The following SORCS2 variants were observed in gnomAD, a reference collection of about 807,000 sequenced individuals.
The protein encoded by SORCS2 is VPS10 domain-containing receptor SorCS2.
In SORCS2, 100 loss-of-function variants were observed where a neutral mutation model predicts 141.6. The observed-to-expected ratio is 0.71, with a 90% CI of 0.60 to 0.83. The LOEUF (loss-of-function observed/expected upper bound fraction) is 0.83. SORCS2 is among the 40% of genes least tolerant of loss of function. The probability of loss-of-function intolerance (pLI) is 0.00; values close to 1 mark genes in which losing one functional copy is unlikely to be tolerated. For missense variants in SORCS2, 1,646 were observed against 1,560.2 expected, an observed-to-expected ratio of 1.05 and a Z score of -0.93; for synonymous variants, 789 against 676.9, an observed-to-expected ratio of 1.17 and a Z score of -2.57.
At chr4:7,480,913 G>T (rs1730590099) in intron 2 of SORCS2, among the ~76,000 whole-genome samples, 1 of 152,252 alleles carries the variant, frequency 6.6e-6, no homozygotes, top group South Asian at 2.1e-4. Flanking sequence ...CCCTTTTCTG[G>T]AGAAACAGGT....
At chr4:7,334,645 C>T (rs1002520796) in intron 1 of SORCS2, among the ~76,000 whole-genome samples, 2 of 152,162 alleles carry the variant, frequency 1.3e-5, no homozygotes, top group African/African-American at 2.4e-5. Flanking sequence ...GGGGAGTGTG[C>T]ACATGCGCTG....
intron 5 of SORCS2, among the ~76,000 whole-genome samples, chr4:7,654,438 G>A (rs1016294674): frequency 3.9e-5 from 6 of 152,178 alleles, no homozygotes; most frequent in Admixed American, 3.3e-4. Context: ...ATCAGAAATC[G>A]TAGAGTCCAG....
chr4:7,695,576 A>G (rs1471974701), intron 11 of SORCS2, among the ~76,000 whole-genome samples: 3 of 25,426 alleles, frequency 1.2e-4, no homozygotes, highest in Non-Finnish European at 2.4e-4. Flanking sequence ...GGATGGATGG[A>G]TGGATGGATT....
intron 2 of SORCS2, among the ~76,000 whole-genome samples, chr4:7,400,875 A>G (rs558919691): frequency 6.6e-6 from 1 of 152,104 alleles, no homozygotes; most frequent in African/African-American, 2.4e-5. Flanking sequence ...GAATGGAAGA[A>G]TAGGTGGATA....
rs1726757599 is a variant in SORCS2 at position 7,723,682 on chromosome 4, G to A, written c.2425-15G>A. On this transcript the variant is annotated splice_polypyrimidine_tract_variant and intron_variant, in intron 18 of 26. Coordinates refer to ENST00000507866, the MANE Select transcript of SORCS2 (RefSeq NM_020777.3). Reference sequence around the variant, plus strand: ...AAGGCCCACTCCTGAGTGGCCACATGGTGTTTCTCTGCAGGGTGATGTCCT... The same window carrying A: ...AAGGCCCACTCCTGAGTGGCCACATAGTGTTTCTCTGCAGGGTGATGTCCT... The A allele has an allele frequency of 6.2e-7, 1 of 1,613,558 alleles. No individual in the cohort carries two copies. The highest frequency in any genetic ancestry group is 1.7e-5 in the Admixed American group (1 of 59,960).
chr4:7,234,931 A>G (rs1052380750), intron 1 of SORCS2, among the ~76,000 whole-genome samples: 5 of 152,186 alleles, frequency 3.3e-5, no homozygotes, highest in African/African-American at 1.2e-4. Flanking sequence ...CTCGCCGAGG[A>G]GACAGGGGCT....
At chr4:7,718,263 G>A in intron 18 of SORCS2, 80 bp downstream of exon 18, 1 of 1,505,718 alleles carries the variant, frequency 6.6e-7, no homozygotes, top group East Asian at 2.4e-5. Context: ...GGCACGGTGA[G>A]GGTGTCTCCT....
At position 7,723,618 on chromosome 4, in the gene SORCS2, A is replaced by C; in HGVS notation, c.2425-79A>C. On this transcript the variant is annotated intron_variant, in intron 18 of 26. Transcript: ENST00000507866. ...GCGGCAATGAATGAATGAGTGAGTGAGTGAGTGAGTGAATGAACCACTCTG... is the reference window on the plus strand; with the variant it reads ...GCGGCAATGAATGAATGAGTGAGTGCGTGAGTGAGTGAATGAACCACTCTG... 3 of 1,467,150 alleles carry C rather than the reference A, an allele frequency of 2.0e-6. No homozygotes were observed. The South Asian group carries it at 3.4e-5, about 17-fold the overall frequency. The allele number at this position is 1,467,150 out of a possible 1,614,324, so 90.9% of individuals were successfully genotyped here. A position where few individuals can be genotyped will look rare whatever the true frequency, so the allele number is the denominator to read the frequency against.
chr4:7,568,329 T>C (rs1715161681), intron 3 of SORCS2, among the ~76,000 whole-genome samples: 1 of 152,246 alleles, frequency 6.6e-6, no homozygotes, highest in Non-Finnish European at 1.5e-5. Context: ...TATGTCCTAA[T>C]AGCATAAGTA....
At chr4:7,510,536 G>C (rs1732555232) in intron 2 of SORCS2, among the ~76,000 whole-genome samples, 1 of 152,252 alleles carries the variant, frequency 6.6e-6, no homozygotes, top group Non-Finnish European at 1.5e-5. Flanking sequence ...GGGAGGGGCA[G>C]TGCCCTGTTC....
At chr4:7,737,505 C>G (rs374226484) in intron 26 of SORCS2, among the ~76,000 whole-genome samples, 8 of 152,196 alleles carry the variant, frequency 5.3e-5, no homozygotes, top group African/African-American at 1.4e-4. Context: ...AAGCCTGACT[C>G]GGGCCTCAGG....
At chr4:7,576,887 C>G (rs139074836) in intron 3 of SORCS2, among the ~76,000 whole-genome samples, 1 of 152,318 alleles carries the variant, frequency 6.6e-6, no homozygotes, top group East Asian at 1.9e-4. Flanking sequence ...CAACTCAGTT[C>G]TATTCAATTT....
At chr4:7,495,426 C>T (rs554502224) in intron 2 of SORCS2, among the ~76,000 whole-genome samples, 2 of 152,346 alleles carry the variant, frequency 1.3e-5, no homozygotes, top group East Asian at 1.9e-4. Flanking sequence ...GTGTGTCCTC[C>T]GGCAGCTCTT....
intron 1 of SORCS2, among the ~76,000 whole-genome samples, chr4:7,369,728 C>T (rs999931693): frequency 9.9e-5 from 15 of 152,180 alleles, no homozygotes; most frequent in Admixed American, 1.3e-4. Flanking sequence ...TGCCTCTGGT[C>T]GGCTTTGCAG....
chr4:7,638,044 C>A (rs757653215), intron 3 of SORCS2, among the ~76,000 whole-genome samples: 4 of 152,168 alleles, frequency 2.6e-5, no homozygotes, highest in Non-Finnish European at 4.4e-5. Context: ...CATTTCTGGA[C>A]ATCTCCTCAC....
At chr4:7,700,189 G>A (rs1724971404) in intron 12 of SORCS2, among the ~76,000 whole-genome samples, 1 of 152,198 alleles carries the variant, frequency 6.6e-6, no homozygotes, top group Non-Finnish European at 1.5e-5. Context: ...CTTGCCCTGT[G>A]AACCCCTCCC....
chr4:7,660,838 C>G (rs1441423106), intron 5 of SORCS2, among the ~76,000 whole-genome samples: 1 of 152,160 alleles, frequency 6.6e-6, no homozygotes, highest in Non-Finnish European at 1.5e-5. Flanking sequence ...CCTTCGCCAC[C>G]TCACGAAAGG....
intron 2 of SORCS2, among the ~76,000 whole-genome samples, chr4:7,496,536 CA>C (rs1731641770): frequency 7.0e-6 from 1 of 141,870 alleles, no homozygotes; most frequent in Non-Finnish European, 1.5e-5. Flanking sequence ...GTAAAATTAG[CA>C]ACTTAATTTT....
At chr4:7,666,254 G>A (rs548359981) in intron 7 of SORCS2, among the ~76,000 whole-genome samples, 42 of 152,104 alleles carry the variant, frequency 2.8e-4, no homozygotes, top group Admixed American at 6.5e-4. Flanking sequence ...GTTCAGACCC[G>A]ATCGCAGGGT....
Sources: gnomAD v4.1 joint callset for allele counts (sites outside exome capture counted in the v4.1 genomes callset) on GRCh38, gnomAD v4.1.1 for gene constraint, MANE v1.5 for transcripts, NCBI Gene and HGNC (gene_info 2026-07-23, HGNC 2026-07-21) for gene names.